ASXL2: variants seen among roughly 807,000 people sequenced by gnomAD.
ASXL2 encodes putative Polycomb group protein ASXL2.
Under a neutral mutation model 122.0 loss-of-function variants are expected in ASXL2, and 23 were observed. The observed-to-expected ratio is 0.19, with a 90% CI of 0.14 to 0.27. The LOEUF is 0.27. Ranked by LOEUF, ASXL2 falls within the 10% of genes least tolerant of loss-of-function variation. ASXL2 has a pLI of 1.00. For missense variants in ASXL2, 1,518 were observed against 1,713.8 expected (o/e 0.89, Z 2.02); for synonymous variants, 650 against 637.0 (o/e 1.02, Z -0.31).
intron 5 of ASXL2, among the ~76,000 whole-genome samples, chr2:25,777,227 A>C (rs1441637272): frequency 6.6e-6 from 1 of 152,140 alleles, no homozygotes; most frequent in East Asian, 1.9e-4. Context: ...AGCTGGGACC[A>C]CAGGTATGTG....
intron 3 of ASXL2, among the ~76,000 whole-genome samples, chr2:25,823,389 T>C (rs1233586185): frequency 6.6e-6 from 1 of 152,192 alleles, no homozygotes; most frequent in Non-Finnish European, 1.5e-5. Flanking sequence ...GCTGACACCT[T>C]ACTGGTAACC....
At position 25,848,875 on chromosome 2, in the gene ASXL2, G is replaced by A. The variant is rs563597440; in HGVS notation, c.58-3312C>T. Among the ~76,000 whole-genome samples, 16 of 149,170 alleles carry A rather than the reference G, an allele frequency of 1.1e-4. No individual in the cohort carries two copies. In the East Asian group the frequency reaches 1.8e-3, roughly 17 times the overall value. On this transcript the variant is annotated intron_variant, in intron 1 of 12. Coordinates refer to ENST00000435504, the MANE Select transcript of ASXL2 (RefSeq NM_018263.6). ...AGCCTGGCCAATGTGGTGAAACACC[G>A]TCTCTACTAAAAATACAAAAATTAA...
chr2:25,850,268 A>G (rs1392563219), intron 1 of ASXL2, among the ~76,000 whole-genome samples: 1 of 152,166 alleles, frequency 6.6e-6, no homozygotes, highest in Non-Finnish European at 1.5e-5. Context: ...ACAGGGAAAA[A>G]CCACTTTTTT....
rs544927258 is a variant in ASXL2, at chr2:25,739,773, C to A, written c.*2256G>T. On this transcript the variant is annotated 3_prime_UTR_variant, in exon 13 of 13. Coordinates refer to ENST00000435504, the MANE Select transcript of ASXL2 (RefSeq NM_018263.6). ...AAGGGTAGCACAGAGGAAAACCTTT[C>A]TGACAGGAAAAAGGTAAAGCAGAAA... The A allele has an allele frequency of 2.7e-5, 6 of 219,792 alleles. No individual in the cohort carries two copies. The Admixed American group carries it at 2.9e-4, about 11-fold the overall frequency. 13.6% of individuals were successfully genotyped at this position (219,792 alleles called of 1,614,324 possible).
Position 25,784,541 on chromosome 2 carries a change from TCA to T in ASXL2, c.404-13003_404-13002del, listed in dbSNP as rs766324795. On this transcript the variant is annotated intron_variant, in intron 5 of 12. Transcript: ENST00000435504. ...GGTATAAAACAAGACACTTATTCCT[TCA>T]CAGTTCTGGAGGCTGAAAATCCAAA... Among the ~76,000 whole-genome samples the T allele has an allele frequency of 1.1e-4, 17 of 152,346 alleles. No individual in the cohort carries two copies. In the South Asian group the frequency reaches 1.2e-3, roughly 11 times the overall value.
intron 5 of ASXL2, among the ~76,000 whole-genome samples, chr2:25,783,304 A>G (rs933094491): frequency 6.6e-6 from 1 of 151,884 alleles, no homozygotes; most frequent in Non-Finnish European, 1.5e-5. Context: ...TTCCTAGAAA[A>G]GTATCCCATT....
chr2:25,769,186 TA>T (rs1355599183), intron 6 of ASXL2, among the ~76,000 whole-genome samples: 1 of 152,066 alleles, frequency 6.6e-6, no homozygotes, highest in Non-Finnish European at 1.5e-5. Flanking sequence ...TTTTGGAACT[TA>T]AAAAAATCAC....
Position 25,743,103 on chromosome 2 carries a change from A to G in ASXL2, c.3234T>C (p.Asn1078=), listed in dbSNP as rs1444231798. 6.2e-7 allele frequency: 1 copy of G among 1,614,000 alleles called. No homozygotes were observed. Among genetic ancestry groups the G allele is most frequent in the Admixed American group, 1.7e-5 (1 of 60,024 alleles). Residue 1078 remains asparagine (N), a synonymous_variant, in exon 13 of 13, where the codon AAT becomes AAC. Transcript: ENST00000435504. The part of the protein sequence containing the change: ...QTLIQRVRRQ[N]LLSVVPPSQF... ...GTGAGGGCGGCACAACTGAGAGAAGATTCTGCCTCCGAACCCTCTGAATGA... is the reference window on the plus strand; with the variant it reads ...GTGAGGGCGGCACAACTGAGAGAAGGTTCTGCCTCCGAACCCTCTGAATGA...
rs756464576 is a variant in ASXL2 at position 25,742,996 on chromosome 2, C to T, written c.3341G>A (p.Arg1114Lys). ...CCCTGCCATTGCAGGTTTGGATGTC[C>T]TTCTGCCAGCAAAACCCAGCATGAA... ...QRFMLGFAGR[R>K]TSKPAMAGHY... Residue 1114 changes from arginine (R) to lysine (K), a missense_variant, in exon 13 of 13, where the codon AGG becomes AAG. Around this residue, in one of 8 missense-constraint regions of ASXL2, gnomAD observed 831 missense variants for 833.1 expected, o/e 1.00. Transcript: ENST00000435504. 1.9e-6 allele frequency: 3 copies of T among 1,614,032 alleles called. No individual in the cohort carries two copies. The highest frequency in any genetic ancestry group is 3.3e-4 in the Middle Eastern group (2 of 6,062).
chr2:25,814,910 C>A (rs2089214909), intron 3 of ASXL2, among the ~76,000 whole-genome samples: 1 of 152,182 alleles, frequency 6.6e-6, no homozygotes. Flanking sequence ...ACTTTAAACA[C>A]CCTTAATTTA....
rs1467675848 is a variant in ASXL2, at chr2:25,745,547, G to A, written c.1861-1071C>T. Among the ~76,000 whole-genome samples, 11 of 137,430 alleles carry A rather than the reference G, an allele frequency of 8.0e-5. No homozygotes were observed. The East Asian group carries it at 2.1e-3, about 26-fold the overall frequency. The allele number at this position is 137,430 out of a possible 152,430, so 90.2% of individuals were successfully genotyped here. ...CTGGCCAACACAGTGACTCCAGAGG[G>A]AGCCTCCAGCTCAAAAAAAAAAAAA... is the stretch of plus-strand genomic sequence containing the variant. On this transcript the variant is annotated intron_variant, in intron 12 of 12. Coordinates refer to ENST00000435504, the MANE Select transcript of ASXL2 (RefSeq NM_018263.6).
rs560606779 is a variant in ASXL2 at position 25,836,503 on chromosome 2, C to T, written c.141-963G>A. 2.6e-5 allele frequency among the ~76,000 whole-genome samples: 4 copies of T among 152,206 alleles called. No homozygotes were observed. The South Asian group carries it at 8.3e-4, about 32-fold the overall frequency. On this transcript the variant is annotated intron_variant, in intron 2 of 12. Coordinates refer to ENST00000435504, the MANE Select transcript of ASXL2 (RefSeq NM_018263.6). ...AGAGATATGGGAAAAAAAATAGGTG[C>T]TCTGATTGGTTTTTAGTATAAAGTA...
At chr2:25,854,026 G>A (rs747565277) in intron 1 of ASXL2, among the ~76,000 whole-genome samples, 1 of 152,108 alleles carries the variant, frequency 6.6e-6, no homozygotes, top group Non-Finnish European at 1.5e-5. Flanking sequence ...ACTTAAATAC[G>A]AAACCTATAC....
intron 5 of ASXL2, among the ~76,000 whole-genome samples, chr2:25,778,200 T>C (rs1326948998): frequency 1.3e-5 from 2 of 152,220 alleles, no homozygotes; most frequent in Admixed American, 6.5e-5. Context: ...TTGGTAGGTG[T>C]AACTCAGTTA....
intron 5 of ASXL2, among the ~76,000 whole-genome samples, chr2:25,798,872 G>A (rs1362568923): frequency 6.6e-6 from 1 of 152,158 alleles, no homozygotes; most frequent in Non-Finnish European, 1.5e-5. Context: ...CTATAATGGT[G>A]AATACACATC....
intron 5 of ASXL2, among the ~76,000 whole-genome samples, chr2:25,799,130 A>AT (rs889827798): frequency 1.3e-5 from 2 of 152,182 alleles, no homozygotes; most frequent in Non-Finnish European, 2.9e-5. Context: ...AAGCATTTTT[A>AT]TTTTTTAAAT....
At chr2:25,763,552 TG>T (rs1296696821) in intron 8 of ASXL2, among the ~76,000 whole-genome samples, 1 of 152,026 alleles carries the variant, frequency 6.6e-6, no homozygotes, top group African/African-American at 2.4e-5. Flanking sequence ...AATTCTGTGT[TG>T]AACAACTAGA....
At position 25,848,306 on chromosome 2, in the gene ASXL2, C is replaced by T. The variant is rs576877326; in HGVS notation, c.58-2743G>A. 3.3e-5 allele frequency among the ~76,000 whole-genome samples: 5 copies of T among 152,246 alleles called. No individual in the cohort carries two copies. The South Asian group carries it at 1.0e-3, about 32-fold the overall frequency. On this transcript the variant is annotated intron_variant, in intron 1 of 12. Coordinates refer to ENST00000435504, the MANE Select transcript of ASXL2 (RefSeq NM_018263.6). ...TTTTAATATTTTAATGGGTTTTAAA[C>T]ATCATAAGATGTTAAGCTATTAGAA...
Position 25,753,620 on chromosome 2 carries a change from C to A in ASXL2, c.1056G>T (p.Met352Ile), listed in dbSNP as rs772437315. ...RLSEGEFTPEMQVRIRQEIEK... is the reference protein window; with the variant it reads ...RLSEGEFTPEIQVRIRQEIEK... ...CAATCTCTTGTCGAATTCTCACCTG[C>A]ATCTCAGGTGTAAACTCACCTGCAA... The change falls in exon 11 of 13, where the codon ATG becomes ATT. Residue 352 changes from methionine (M) to isoleucine (I), a missense_variant. Coordinates refer to ENST00000435504, the MANE Select transcript of ASXL2 (RefSeq NM_018263.6). 3.1e-6 allele frequency: 5 copies of A among 1,613,016 alleles called. No individual in the cohort carries two copies. The highest frequency in any genetic ancestry group is 4.2e-6 in the Non-Finnish European group (5 of 1,179,438).
Sources: gnomAD v4.1 joint callset for allele counts (sites outside exome capture counted in the v4.1 genomes callset) on GRCh38, gnomAD v4.1.1 for gene constraint, gnomAD v4.1.1 regional missense constraint, MANE v1.5 for transcripts, NCBI Gene and HGNC (gene_info 2026-07-23, HGNC 2026-07-21) for gene names.